The following ASB5 variants were observed in gnomAD, a reference collection of about 807,000 sequenced individuals.
ASB5 encodes ankyrin repeat and SOCS box containing 5.
In ASB5, 45 loss-of-function variants were observed where a neutral mutation model predicts 42.1. The ratio of observed to expected loss-of-function variants is 1.07; its 90% CI spans 0.84 to 1.37. The LOEUF (loss-of-function observed/expected upper bound fraction) is 1.37, where lower values mean the gene tolerates loss of function less well. Ranked by LOEUF, ASB5 falls within the 40% of genes most tolerant of loss-of-function variation. The pLI is 0.00. For synonymous variants in ASB5, 147 were observed against 150.6 expected (o/e 0.98, Z 0.18); for missense variants, 402 against 399.8 (o/e 1.01, Z -0.05).
At chr4:176,235,748 G>A (rs1417125146) in intron 1 of ASB5, among the ~76,000 whole-genome samples, 8 of 151,376 alleles carry the variant, frequency 5.3e-5, no homozygotes, top group Non-Finnish European at 1.2e-4. Flanking sequence ...AACAGCACTG[G>A]GAAAATGTAA....
chr4:176,258,615 A>G (rs1363445004), intron 1 of ASB5, among the ~76,000 whole-genome samples: 3 of 152,180 alleles, frequency 2.0e-5, no homozygotes, highest in Non-Finnish European at 4.4e-5. Flanking sequence ...CAAGAATCAC[A>G]GGTTTGTCTC....
chr4:176,251,827 G>T (rs985899214), intron 1 of ASB5, among the ~76,000 whole-genome samples: 1 of 151,280 alleles, frequency 6.6e-6, no homozygotes, highest in African/African-American at 2.4e-5. Flanking sequence ...AGCATTAGGC[G>T]GAGGCGGGAG....
intron 1 of ASB5, among the ~76,000 whole-genome samples, chr4:176,264,686 A>T (rs1380441110): frequency 1.3e-5 from 2 of 152,138 alleles, no homozygotes; most frequent in African/African-American, 4.8e-5. Context: ...CCTTGGCTGG[A>T]GGCTGCCTGC....
intron 1 of ASB5, among the ~76,000 whole-genome samples, chr4:176,261,367 T>C (rs142117026): frequency 2.0e-5 from 3 of 152,234 alleles, no homozygotes; most frequent in African/African-American, 4.8e-5. Context: ...GCGACCCTTT[T>C]TCATATGCTG....
rs772350191 is a variant in ASB5, at chr4:176,222,310, T to A, written c.384+3A>T. The A allele has an allele frequency of 1.9e-6, 3 of 1,603,128 alleles. No individual in the cohort carries two copies. Among genetic ancestry groups the A allele is most frequent in the Non-Finnish European group, 2.6e-6 (3 of 1,170,094 alleles). On this transcript the variant is annotated splice_donor_region_variant and intron_variant, in intron 3 of 6. Transcript: ENST00000296525. ...AATGATTAATGTTTTGAAAGGTACTTACATTAGCTCCTGCTTCCAGCAGAG... is the reference window on the plus strand; with the variant it reads ...AATGATTAATGTTTTGAAAGGTACTAACATTAGCTCCTGCTTCCAGCAGAG...
intron 2 of ASB5, among the ~76,000 whole-genome samples, chr4:176,222,882 A>G (rs963219876): frequency 2.6e-5 from 4 of 152,010 alleles, no homozygotes; most frequent in Non-Finnish European, 5.9e-5. Context: ...GGTTCATGCC[A>G]TTCTCCTGCC....
intron 1 of ASB5, among the ~76,000 whole-genome samples, chr4:176,249,836 C>T (rs34763186): frequency 0.35 from 52,779 of 151,574 alleles, 9,375 homozygotes; most frequent in Non-Finnish European, 0.38. Flanking sequence ...GAGGCCGAGG[C>T]GGGTGGATCA....
At chr4:176,267,484 C>G (rs1241452910) in intron 1 of ASB5, among the ~76,000 whole-genome samples, 1 of 151,856 alleles carries the variant, frequency 6.6e-6, no homozygotes, top group Admixed American at 6.6e-5. Flanking sequence ...ATTAGCCAGG[C>G]ATGGTTGTGT....
intron 1 of ASB5, among the ~76,000 whole-genome samples, chr4:176,248,213 C>G (rs556744498): frequency 1.3e-5 from 2 of 152,090 alleles, no homozygotes; most frequent in Non-Finnish European, 2.9e-5. Context: ...TGCAGCCTCA[C>G]CCTCCCCAGG....
chr4:176,266,603 G>C (rs1017286351), intron 1 of ASB5, among the ~76,000 whole-genome samples: 8 of 151,982 alleles, frequency 5.3e-5, no homozygotes, highest in African/African-American at 2.4e-5. Flanking sequence ...TACCTGATTT[G>C]CTCTCTTAAT....
At chr4:176,219,960 A>G (rs187469225) in intron 5 of ASB5, among the ~76,000 whole-genome samples, 2 of 152,298 alleles carry the variant, frequency 1.3e-5, no homozygotes, top group Non-Finnish European at 2.9e-5. Flanking sequence ...CCTTGGCCAC[A>G]CTGGAAGAAG....
chr4:176,243,779 C>G (rs1753856892), intron 1 of ASB5, among the ~76,000 whole-genome samples: 1 of 152,184 alleles, frequency 6.6e-6, no homozygotes, highest in African/African-American at 2.4e-5. Context: ...GCTGGTATTA[C>G]AGGCATGAGC....
upstream of ASB5, among the ~76,000 whole-genome samples, chr4:176,274,217 A>C (rs560795296): frequency 9.8e-5 from 15 of 152,374 alleles, no homozygotes; most frequent in African/African-American, 3.4e-4. Context: ...CGGTACCTTC[A>C]TTGGAGCACC....
chr4:176,220,285 A>T (rs888953819), intron 5 of ASB5, among the ~76,000 whole-genome samples: 3 of 152,184 alleles, frequency 2.0e-5, no homozygotes, highest in African/African-American at 7.2e-5. Flanking sequence ...GAAATAGTAG[A>T]TGTAGACCCT....
intron 1 of ASB5, among the ~76,000 whole-genome samples, chr4:176,253,199 A>G (rs1754078870): frequency 6.6e-6 from 1 of 152,224 alleles, no homozygotes; most frequent in Admixed American, 6.5e-5. Context: ...ATATACTGGA[A>G]AAACAACTCA....
chr4:176,241,979 A>C (rs1264266806), intron 1 of ASB5, among the ~76,000 whole-genome samples: 2 of 152,166 alleles, frequency 1.3e-5, no homozygotes, highest in Non-Finnish European at 2.9e-5. Flanking sequence ...AAAACTGCAC[A>C]TACACCTGGG....
At chr4:176,266,386 A>C (rs1754355909) in intron 1 of ASB5, among the ~76,000 whole-genome samples, 1 of 152,170 alleles carries the variant, frequency 6.6e-6, no homozygotes. Flanking sequence ...GAAGGTGATA[A>C]TCTCTCCCAG....
chr4:176,231,139 A>AT (rs1753529704), intron 1 of ASB5, among the ~76,000 whole-genome samples: 2 of 152,074 alleles, frequency 1.3e-5, no homozygotes, highest in African/African-American at 4.8e-5. Flanking sequence ...TATCTATGCG[A>AT]TTTTGTAAGG....
intron 1 of ASB5, among the ~76,000 whole-genome samples, chr4:176,234,243 G>A (rs1003704120): frequency 6.6e-6 from 1 of 152,126 alleles, no homozygotes; most frequent in Non-Finnish European, 1.5e-5. Flanking sequence ...CGAAGTCTTT[G>A]TCATGACCTA....
Sources: allele counts gnomAD v4.1 joint callset (sites outside exome capture counted in the v4.1 genomes callset), GRCh38; gene constraint gnomAD v4.1.1; transcripts MANE v1.5; gene names NCBI Gene and HGNC (gene_info 2026-07-23, HGNC 2026-07-21).